The following CR1L variants were observed in gnomAD, a reference collection of about 807,000 sequenced individuals.
CR1L encodes the protein complement component receptor 1-like protein.
CR1L carries 59 observed loss-of-function variants against 62.3 expected under a neutral mutation model. The observed-to-expected ratio is 0.95, with a 90% CI of 0.77 to 1.18. The LOEUF (loss-of-function observed/expected upper bound fraction) is 1.18, where lower values mean the gene tolerates loss of function less well. Among genes scored for constraint, CR1L ranks in the 50% most tolerant of loss-of-function variants. CR1L has a pLI of 0.00. For missense variants in CR1L, 700 were observed against 702.8 expected (o/e 1.00, Z 0.04); for synonymous variants, 279 against 248.7 (o/e 1.12, Z -1.15).
intron 7 of CR1L, among the ~76,000 whole-genome samples, chr1:207,698,359 A>T (rs1664140278): frequency 6.6e-6 from 1 of 152,172 alleles, no homozygotes. Flanking sequence ...TCAGCATTTT[A>T]AAAAAATCCA....
At chr1:207,719,341 G>A (rs115515598) in intron 11 of CR1L, among the ~76,000 whole-genome samples, 1 of 151,692 alleles carries the variant, frequency 6.6e-6, no homozygotes, top group East Asian at 1.9e-4. Flanking sequence ...ACACAGCAAA[G>A]GGTTAATAGT....
intron 4 of CR1L, among the ~76,000 whole-genome samples, chr1:207,688,490 T>G (rs1360409762): frequency 1.3e-5 from 2 of 152,200 alleles, no homozygotes; most frequent in African/African-American, 2.4e-5. Context: ...TAGCATGACA[T>G]TAATATTTGA....
chr1:207,687,141 G>C (rs796419786), intron 4 of CR1L, among the ~76,000 whole-genome samples: 17 of 152,078 alleles, frequency 1.1e-4, no homozygotes, highest in African/African-American at 4.1e-4. Context: ...TTCTTGTAAT[G>C]TCCTCATAAG....
intron 1 of CR1L, among the ~76,000 whole-genome samples, chr1:207,660,631 T>C (rs1312034947): frequency 1.3e-5 from 2 of 152,242 alleles, no homozygotes; most frequent in Non-Finnish European, 2.9e-5. Context: ...GGGTTTTTTA[T>C]GTCTCTATTT....
At chr1:207,662,933 A>T (rs1346976746) in intron 1 of CR1L, among the ~76,000 whole-genome samples, 2 of 152,194 alleles carry the variant, frequency 1.3e-5, no homozygotes, top group Non-Finnish European at 2.9e-5. Flanking sequence ...GTTTGCCTGG[A>T]TGTCAGCAGC....
At chr1:207,681,591 C>T (rs1461231498) in intron 3 of CR1L, among the ~76,000 whole-genome samples, 1 of 152,106 alleles carries the variant, frequency 6.6e-6, no homozygotes, top group Non-Finnish European at 1.5e-5. Flanking sequence ...TAAAGTTATC[C>T]TTTGACTCAT....
At chr1:207,683,484 T>G (rs1425795025) in intron 3 of CR1L, among the ~76,000 whole-genome samples, 8 of 152,090 alleles carry the variant, frequency 5.3e-5, no homozygotes, top group Non-Finnish European at 1.2e-4. Context: ...CATCCATATA[T>G]TAATACTTAT....
chr1:207,700,952 G>T (rs1664180590), intron 8 of CR1L, among the ~76,000 whole-genome samples: 1 of 152,174 alleles, frequency 6.6e-6, no homozygotes, highest in South Asian at 2.1e-4. Context: ...GTCTGCAAAA[G>T]CTTCTTATTG....
intron 1 of CR1L, chr1:207,658,776 G>A (rs183642468): frequency 1.3e-5 from 2 of 152,406 alleles, no homozygotes; most frequent in Non-Finnish European, 2.9e-5. Context: ...CTGCACGAAG[G>A]GGCCAGGTAT....
chr1:207,716,616 C>T (rs1263256819), intron 10 of CR1L, among the ~76,000 whole-genome samples: 4 of 152,024 alleles, frequency 2.6e-5, no homozygotes, highest in Admixed American at 6.6e-5. Context: ...ACATTCAATA[C>T]CTGAGGAAAC....
intron 9 of CR1L, among the ~76,000 whole-genome samples, chr1:207,705,512 T>C (rs1664253048): frequency 6.6e-6 from 1 of 152,204 alleles, no homozygotes; most frequent in Non-Finnish European, 1.5e-5. Flanking sequence ...GTAGGGGCTA[T>C]GTTTGTGCCA....
At chr1:207,652,628 T>C in intron 1 of CR1L, 4 of 1,351,374 alleles carry the variant, frequency 3.0e-6, no homozygotes, top group Non-Finnish European at 4.2e-6. Context: ...GGGGAACAAG[T>C]AGATTATAAG....
intron 1 of CR1L, among the ~76,000 whole-genome samples, chr1:207,660,028 C>G (rs1663384704): frequency 6.6e-6 from 1 of 152,244 alleles, no homozygotes; most frequent in Admixed American, 6.5e-5. Flanking sequence ...GAAGCCTGAA[C>G]TGGGTGGAGC....
intron 7 of CR1L, among the ~76,000 whole-genome samples, chr1:207,698,217 T>A (rs1191571177): frequency 6.6e-6 from 1 of 152,138 alleles, no homozygotes; most frequent in African/African-American, 2.4e-5. Context: ...ATATGAGTAA[T>A]TTAAGAGTCT....
Position 207,723,649 on chromosome 1 carries a change from T to G in CR1L, c.1674T>G (p.Phe558Leu), listed in dbSNP as rs1432393201. The G allele has an allele frequency of 6.3e-7, 1 of 1,597,078 alleles. No homozygotes were observed. The highest frequency in any genetic ancestry group is 2.2e-5 in the East Asian group (1 of 44,652). Residue 558 changes from phenylalanine to leucine, a missense_variant, in exon 12 of 12, where the codon TTT becomes TTG. Coordinates refer to ENST00000508064, the MANE Select transcript of CR1L (RefSeq NM_175710.2). The part of the protein sequence containing the change: ...GSHDALIVGK[F>L]YEVFAEEFCH... ...ATGATGCTCTTATAGTTGGTAAGTT[T>G]TATGAAGTGTTTGCTGAGGAATTCT...
chr1:207,716,651 T>G (rs1654005891), intron 10 of CR1L, among the ~76,000 whole-genome samples: 1 of 152,164 alleles, frequency 6.6e-6, no homozygotes, highest in African/African-American at 2.4e-5. Context: ...AACTCAACCC[T>G]TACAGAGACA....
intron 1 of CR1L, among the ~76,000 whole-genome samples, chr1:207,651,532 C>A (rs1663223838): frequency 6.6e-6 from 1 of 152,080 alleles, no homozygotes; most frequent in Non-Finnish European, 1.5e-5. Context: ...TTTGGTCCTT[C>A]CACTATAGAA....
chr1:207,719,248 T>TAA (rs1654076842), intron 11 of CR1L, among the ~76,000 whole-genome samples: 1 of 133,226 alleles, frequency 7.5e-6, no homozygotes, highest in Admixed American at 7.6e-5. Context: ...CCCTAAAACT[T>TAA]AAAGTATAAT....
At chr1:207,671,221 G>A (rs1165971845) in intron 1 of CR1L, among the ~76,000 whole-genome samples, 5 of 150,868 alleles carry the variant, frequency 3.3e-5, no homozygotes, top group South Asian at 2.1e-4. Flanking sequence ...ATGTGACAGC[G>A]TTTTGTAATC....
Sources: gnomAD v4.1 joint callset for allele counts (sites outside exome capture counted in the v4.1 genomes callset) on GRCh38, gnomAD v4.1.1 for gene constraint, MANE v1.5 for transcripts, NCBI Gene and HGNC (gene_info 2026-07-23, HGNC 2026-07-21) for gene names.